PTPRG: variants seen among roughly 807,000 people sequenced by gnomAD.
The protein encoded by PTPRG is receptor-type tyrosine-protein phosphatase gamma.
In PTPRG, 102 loss-of-function variants were observed where a neutral mutation model predicts 165.3. The observed-to-expected ratio is 0.62, with a 90% CI of 0.53 to 0.73. The LOEUF is 0.73. Ranked by LOEUF, PTPRG falls within the 30% of genes least tolerant of loss-of-function variation. PTPRG has a pLI of 0.00. For synonymous variants in PTPRG, 675 were observed against 669.5 expected (o/e 1.01, Z -0.13); for missense variants, 1,866 against 1,861.4 (o/e 1.00, Z -0.05).
Position 61,562,354 on chromosome 3 carries a change from T to C in PTPRG, c.67T>C (p.Tyr23His), listed in dbSNP as rs1699778911. The stretch of plus-strand genomic sequence containing the variant: ...GAAAATCACCAGTTCCGTGCTCCAT[T>C]ATGTCGTGTGCTTCCCCGGTGAGTG... Reference protein sequence around the residue: ...FLKITSSVLHYVVCFPALTEG... With the variant: ...FLKITSSVLHHVVCFPALTEG... Residue 23 changes from tyrosine (Y) to histidine (H), a missense_variant, in exon 1 of 30, where the codon TAT becomes CAT. This residue lies in a region of PTPRG where 408 missense variants were observed against 376.2 expected (regional missense o/e 1.08). Coordinates refer to ENST00000474889, the MANE Select transcript of PTPRG (RefSeq NM_002841.4). The C allele has an allele frequency of 3.1e-6, 5 of 1,613,436 alleles. No individual in the cohort carries two copies. Among genetic ancestry groups the C allele is most frequent in the Non-Finnish European group, 4.2e-6 (5 of 1,179,624 alleles).
intron 1 of PTPRG, among the ~76,000 whole-genome samples, chr3:61,628,657 G>A (rs370162665): frequency 7.9e-5 from 12 of 152,266 alleles, no homozygotes; most frequent in African/African-American, 2.4e-4. Context: ...ATGATATAAT[G>A]TTGGTGGTGA....
chr3:62,165,111 A>G (rs961544384), intron 7 of PTPRG, among the ~76,000 whole-genome samples: 1 of 152,174 alleles, frequency 6.6e-6, no homozygotes, highest in African/African-American at 2.4e-5. Flanking sequence ...GGACATGGAG[A>G]AGAGCTGGTC....
chr3:61,729,827 A>G (rs564386027), intron 1 of PTPRG, among the ~76,000 whole-genome samples: 7 of 152,230 alleles, frequency 4.6e-5, no homozygotes, highest in African/African-American at 1.7e-4. Context: ...CTGCTCATTA[A>G]TGTACTTTGC....
intron 1 of PTPRG, among the ~76,000 whole-genome samples, chr3:61,684,046 T>G (rs1369950466): frequency 6.6e-6 from 1 of 152,198 alleles, no homozygotes; most frequent in East Asian, 1.9e-4. Context: ...TGGTTTGAGA[T>G]TCCCTGGAGA....
chr3:61,800,504 A>G (rs1271943858), intron 2 of PTPRG, among the ~76,000 whole-genome samples: 1 of 152,070 alleles, frequency 6.6e-6, no homozygotes, highest in African/African-American at 2.4e-5. Context: ...AGTTACCTCC[A>G]TGCCAGAGAC....
In PTPRG at chr3:62,297,089, A is replaced by G. The variant is rs941237424; in HGVS notation, c.*3782A>G. The G allele has an allele frequency of 1.3e-5, 2 of 152,122 alleles. No individual in the cohort carries two copies. Among genetic ancestry groups the G allele is most frequent in the African/African-American group, 4.8e-5 (2 of 41,440 alleles). The allele number at this position is 152,122 out of a possible 1,614,324, so 9.4% of individuals were successfully genotyped here. A position where few individuals can be genotyped will look rare whatever the true frequency, so the allele number is the denominator to read the frequency against. On this transcript the variant is annotated 3_prime_UTR_variant, in exon 30 of 30. Coordinates refer to ENST00000474889, the MANE Select transcript of PTPRG (RefSeq NM_002841.4). ...TCTTTCACTCCATTTTGAAATAGCT[A>G]AAAATCATTAAAACTGTAAATATTT...
At chr3:61,919,065 T>C (rs994893144) in intron 2 of PTPRG, among the ~76,000 whole-genome samples, 1 of 152,184 alleles carries the variant, frequency 6.6e-6, no homozygotes, top group Non-Finnish European at 1.5e-5. Context: ...GTGCCTAAAA[T>C]GTTCCCAAAA....
chr3:61,694,880 C>A (rs2030469802), intron 1 of PTPRG, among the ~76,000 whole-genome samples: 1 of 152,176 alleles, frequency 6.6e-6, no homozygotes, highest in South Asian at 2.1e-4. Flanking sequence ...CTCACTCTCA[C>A]CCTCACTCTC....
At position 62,213,520 on chromosome 3, in the gene PTPRG, T is replaced by C. The variant is rs1700416892; in HGVS notation, c.2156-5331T>C. Among the ~76,000 whole-genome samples the C allele has an allele frequency of 6.6e-6, 1 of 150,950 alleles. No individual in the cohort carries two copies. Among genetic ancestry groups the C allele is most frequent in the African/African-American group, 2.4e-5 (1 of 41,040 alleles). On this transcript the variant is annotated intron_variant, in intron 12 of 29. Coordinates refer to ENST00000474889, the MANE Select transcript of PTPRG (RefSeq NM_002841.4). The surrounding 1 kb of genome is among the most constrained non-coding windows in gnomAD (Gnocchi z 4.4). ...TTCATCCTCAGGACTCCCCGAGAGG[T>C]GAGTGTTACCATTTGTCTCCCTTTG...
intron 5 of PTPRG, among the ~76,000 whole-genome samples, chr3:62,131,611 T>G (rs1201347701): frequency 6.6e-6 from 1 of 152,162 alleles, no homozygotes; most frequent in African/African-American, 2.4e-5. Flanking sequence ...ATACTATCAA[T>G]GGGGGATGGG....
chr3:61,699,160 T>G (rs1307799634), intron 1 of PTPRG, among the ~76,000 whole-genome samples: 2 of 152,146 alleles, frequency 1.3e-5, no homozygotes, highest in African/African-American at 4.8e-5. Context: ...CCCTAAAACT[T>G]AAAGTGTAAT....
intron 2 of PTPRG, among the ~76,000 whole-genome samples, chr3:61,965,986 CT>C (rs1177215377): frequency 6.6e-6 from 1 of 152,196 alleles, no homozygotes; most frequent in Non-Finnish European, 1.5e-5. Context: ...TCAAAGCAAA[CT>C]TTTCTTTCAT....
At chr3:61,937,731 G>A (rs2039513874) in intron 2 of PTPRG, among the ~76,000 whole-genome samples, 1 of 152,172 alleles carries the variant, frequency 6.6e-6, no homozygotes, top group South Asian at 2.1e-4. Flanking sequence ...TATAACAGGT[G>A]ACGGCAAAAG....
chr3:62,161,424 T>C (rs1336426834), intron 7 of PTPRG, among the ~76,000 whole-genome samples: 1 of 152,236 alleles, frequency 6.6e-6, no homozygotes, highest in African/African-American at 2.4e-5. Context: ...TCACTGCAAA[T>C]GTAGGGCTAG....
chr3:61,866,063 T>C (rs3843399), intron 2 of PTPRG, among the ~76,000 whole-genome samples: 18,141 of 152,124 alleles, frequency 0.12, 1,665 homozygotes, highest in East Asian at 0.49. Context: ...GGAAGGTTCC[T>C]GTGGGACAGT....
In PTPRG at chr3:61,691,637, G is replaced by T. The variant is rs560497731; in HGVS notation, c.86-57241G>T. On this transcript the variant is annotated intron_variant, in intron 1 of 29. Transcript: ENST00000474889. ...ACCATTGCGTTTTGTGTACATCTGT[G>T]TATTGTCCTGATCTCATACAATGAG... Among the ~76,000 whole-genome samples the T allele has an allele frequency of 6.6e-5, 10 of 152,268 alleles. No homozygotes were observed. In the East Asian group the frequency reaches 1.9e-3, roughly 29 times the overall value.
chr3:61,725,306 A>G (rs891596052), intron 1 of PTPRG, among the ~76,000 whole-genome samples: 7 of 152,044 alleles, frequency 4.6e-5, no homozygotes, highest in African/African-American at 1.4e-4. Flanking sequence ...TAGTAGAGAC[A>G]GGATTTTCAC....
chr3:61,792,395 T>C (rs1452425996), intron 2 of PTPRG, among the ~76,000 whole-genome samples: 1 of 152,000 alleles, frequency 6.6e-6, no homozygotes, highest in Non-Finnish European at 1.5e-5. Flanking sequence ...AGCTAATATT[T>C]TTAAGTTTTT....
At chr3:61,777,414 C>G (rs1002362257) in intron 2 of PTPRG, among the ~76,000 whole-genome samples, 1 of 152,116 alleles carries the variant, frequency 6.6e-6, no homozygotes. Flanking sequence ...TGATCTTTTC[C>G]TCTTTCATTT....
Sources: gnomAD v4.1 joint callset for allele counts (sites outside exome capture counted in the v4.1 genomes callset) on GRCh38, gnomAD v4.1.1 for gene constraint, gnomAD v4.1.1 regional missense constraint, Gnocchi (gnomAD v3.1) non-coding constraint, MANE v1.5 for transcripts, NCBI Gene and HGNC (gene_info 2026-07-23, HGNC 2026-07-21) for gene names.